The following SMC6 variants were observed in gnomAD, a reference collection of about 807,000 sequenced individuals.
SMC6 encodes the protein structural maintenance of chromosomes 6, also known as structural maintenance of chromosomes protein 6.
In SMC6, 79 loss-of-function variants were observed where a neutral mutation model predicts 142.2. The observed-to-expected ratio is 0.56, with a 90% CI of 0.46 to 0.67. The LOEUF is 0.67. Among genes scored for constraint, SMC6 ranks in the 30% least tolerant of loss-of-function variants. The pLI is 0.00. For missense variants in SMC6, 1,072 were observed against 1,284.0 expected (o/e 0.83, Z 2.52); for synonymous variants, 411 against 412.4 (o/e 1.00, Z 0.04).
chr2:17,708,001 C>T lies in SMC6; in HGVS notation c.1846-622G>A, dbSNP rs201283979. Among the ~76,000 whole-genome samples the T allele has an allele frequency of 0.016, 695 of 42,394 alleles. 8 individuals are homozygous for T. In the African/African-American group the frequency reaches 0.19, roughly 12 times the overall value. The allele number at this position is 42,394 out of a possible 152,430, so 27.8% of individuals were successfully genotyped here. A position where few individuals can be genotyped will look rare whatever the true frequency, so the allele number is the denominator to read the frequency against. The stretch of plus-strand genomic sequence containing the variant: ...ACATATGTATATGTATATATATACA[C>T]ACACACACACACACACACACACACA... On this transcript the variant is annotated intron_variant, in intron 17 of 27. Coordinates refer to ENST00000448223, the MANE Select transcript of SMC6 (RefSeq NM_001142286.2).
rs754042009 is a variant in SMC6 at position 17,717,222 on chromosome 2, T to C, written c.1093-46A>G. ...CACTTTACAAAAATGAAAACACAAATATCCCATTCACGTCCACTTTTGTCA... is the reference window on the plus strand; with the variant it reads ...CACTTTACAAAAATGAAAACACAAACATCCCATTCACGTCCACTTTTGTCA... On this transcript the variant is annotated intron_variant, in intron 12 of 27. Transcript: ENST00000448223. The C allele has an allele frequency of 6.4e-6, 9 of 1,403,478 alleles. No individual in the cohort carries two copies. The South Asian group carries it at 7.4e-5, about 12-fold the overall frequency. 86.9% of individuals were successfully genotyped at this position (1,403,478 alleles called of 1,614,324 possible). A position where few individuals can be genotyped will look rare whatever the true frequency, so the allele number is the denominator to read the frequency against.
intron 2 of SMC6, among the ~76,000 whole-genome samples, chr2:17,749,637 G>A (rs891036217): frequency 3.3e-5 from 5 of 152,180 alleles, no homozygotes; most frequent in South Asian, 2.1e-4. Context: ...GCAGTGAGCC[G>A]AGACTGTGCC....
At position 17,715,058 on chromosome 2, in the gene SMC6, G is replaced by A. The variant is rs1429264756; in HGVS notation, c.1533C>T (p.Cys511=). 1.3e-5 allele frequency: 21 copies of A among 1,612,812 alleles called. No individual in the cohort carries two copies. Among genetic ancestry groups the A allele is most frequent in the Admixed American group, 3.4e-5 (2 of 59,558 alleles). Residue 511 remains cysteine, a synonymous_variant, in exon 16 of 28, where the codon TGC becomes TGT. Transcript: ENST00000448223. ...TYKPVGPLGA[C]IHLRDPELAL... Reference sequence around the variant, plus strand: ...CAAGTTCTGGGTCCCGAAGATGAATGCAAGCTCCTAAAAGTGAGAGAAAAT... The same window carrying A: ...CAAGTTCTGGGTCCCGAAGATGAATACAAGCTCCTAAAAGTGAGAGAAAAT...
intron 18 of SMC6, among the ~76,000 whole-genome samples, chr2:17,703,594 C>T (rs986549836): frequency 2.0e-5 from 3 of 152,100 alleles, no homozygotes; most frequent in African/African-American, 7.2e-5. Flanking sequence ...TCTGCCTCTG[C>T]CGCCCCTGAG....
At position 17,753,030 on chromosome 2, in the gene SMC6, G is replaced by C. The variant is rs1671140230; in HGVS notation, c.-58C>G. Reference sequence around the variant, plus strand: ...TCTCTACCCTAGAGTCCTGTTTTCCGCAATTCCCAATTGGGATTCTTCTCC... The same window carrying C: ...TCTCTACCCTAGAGTCCTGTTTTCCCCAATTCCCAATTGGGATTCTTCTCC... On this transcript the variant is annotated 5_prime_UTR_variant, in exon 2 of 28. Coordinates refer to ENST00000448223, the MANE Select transcript of SMC6 (RefSeq NM_001142286.2). 3.0e-6 allele frequency: 3 copies of C among 984,610 alleles called. No homozygotes were observed. The highest frequency in any genetic ancestry group is 2.4e-6 in the Non-Finnish European group (2 of 829,430). 61.0% of individuals were successfully genotyped at this position (984,610 alleles called of 1,614,324 possible). A position where few individuals can be genotyped will look rare whatever the true frequency, so the allele number is the denominator to read the frequency against.
intron 7 of SMC6, among the ~76,000 whole-genome samples, chr2:17,730,603 CTT>C (rs397870131): frequency 4.7e-4 from 63 of 134,638 alleles, no homozygotes; most frequent in South Asian, 4.7e-4. Flanking sequence ...TTAATAAATT[CTT>C]TTTTTTTTTT....
At position 17,731,654 on chromosome 2, in the gene SMC6, A is replaced by G. The variant is rs1019292395; in HGVS notation, c.481+87T>C. 2.0e-5 allele frequency: 26 copies of G among 1,280,638 alleles called. No individual in the cohort carries two copies. In the African/African-American group the frequency reaches 3.8e-4, roughly 19 times the overall value. 79.3% of individuals were successfully genotyped at this position (1,280,638 alleles called of 1,614,324 possible). On this transcript the variant is annotated intron_variant, in intron 6 of 27. Transcript: ENST00000448223. The stretch of plus-strand genomic sequence containing the variant: ...CACAACCAATCATGTTACAAGGAAG[A>G]TAGTTCAATCAATACCAGCAGTCAT...
intron 25 of SMC6, among the ~76,000 whole-genome samples, chr2:17,673,280 CTT>C (rs1666850191): frequency 1.3e-5 from 2 of 152,104 alleles, no homozygotes; most frequent in African/African-American, 4.8e-5. Context: ...CTAGGTAAGT[CTT>C]TTGTTGCATG....
intron 23 of SMC6, 39 bp from the exon 24 acceptor site, chr2:17,683,802 C>T (rs1388997421): frequency 6.3e-7 from 1 of 1,578,284 alleles, no homozygotes; most frequent in African/African-American, 1.4e-5. Context: ...AAATACACCA[C>T]ACGTAAAAAA....
chr2:17,685,889 T>C (rs1480366718), intron 23 of SMC6, among the ~76,000 whole-genome samples: 1 of 151,952 alleles, frequency 6.6e-6, no homozygotes, highest in Non-Finnish European at 1.5e-5. Context: ...ACTCCATATA[T>C]ATCTATATAT....
chr2:17,673,485 T>C (rs1234415743), intron 25 of SMC6, among the ~76,000 whole-genome samples: 1 of 152,084 alleles, frequency 6.6e-6, no homozygotes, highest in African/African-American at 2.4e-5. Context: ...TTTAGGTCTA[T>C]GATCAACTTC....
chr2:17,745,957 C>T lies in SMC6; in HGVS notation c.-5-6G>A, dbSNP rs1377328626. 1.3e-6 allele frequency: 2 copies of T among 1,589,164 alleles called. No individual in the cohort carries two copies. The highest frequency in any genetic ancestry group is 3.6e-5 in the Admixed American group (2 of 55,668). On this transcript the variant is annotated splice_region_variant and splice_polypyrimidine_tract_variant and intron_variant, in intron 2 of 27. Transcript: ENST00000448223. ...CTTTCTTTTGGCCATCAGGTCTGAA[C>T]AAATATTTATAGTAACAATGAGGTA... is the stretch of plus-strand genomic sequence containing the variant.
intron 26 of SMC6, among the ~76,000 whole-genome samples, chr2:17,670,136 C>G (rs977349755): frequency 6.6e-6 from 1 of 151,994 alleles, no homozygotes; most frequent in African/African-American, 2.4e-5. Context: ...TGAAAATAAG[C>G]TGGGAGAGAG....
intron 18 of SMC6, 110 bp downstream of exon 18, chr2:17,707,109 T>C (rs1258610659): frequency 8.7e-6 from 7 of 806,092 alleles, no homozygotes; most frequent in Admixed American, 6.4e-5. Flanking sequence ...AGCACTGAGA[T>C]AGATTACTCA....
At position 17,741,804 on chromosome 2, in the gene SMC6, C is replaced by G. The variant is rs1558380249; in HGVS notation, c.121-75G>C. ...ATAACCATTCAAGCATTGTTGGCAT[C>G]AGAAAGACTAGCACCATCACCAATG... is the stretch of plus-strand genomic sequence containing the variant. On this transcript the variant is annotated intron_variant, in intron 3 of 27. Coordinates refer to ENST00000448223, the MANE Select transcript of SMC6 (RefSeq NM_001142286.2). The G allele has an allele frequency of 7.6e-6, 7 of 926,868 alleles. No homozygotes were observed. The South Asian group carries it at 1.2e-4, about 16-fold the overall frequency. 57.4% of individuals were successfully genotyped at this position (926,868 alleles called of 1,614,324 possible).
At chr2:17,696,501 C>T (rs951008897) in intron 21 of SMC6, 75 bp from the exon 22 acceptor site, 91 of 1,458,792 alleles carry the variant, frequency 6.2e-5, no homozygotes, top group Non-Finnish European at 7.9e-5. Flanking sequence ...ATAAACAACT[C>T]GGTAAAGTGG....
At chr2:17,732,278 C>T (rs915817680) in intron 5 of SMC6, among the ~76,000 whole-genome samples, 2 of 151,926 alleles carry the variant, frequency 1.3e-5, no homozygotes, top group Admixed American at 6.6e-5. Context: ...GACAGTAGGC[C>T]TTTAAAGAAT....
chr2:17,726,948 C>A (rs574086522), intron 7 of SMC6, among the ~76,000 whole-genome samples: 1 of 152,328 alleles, frequency 6.6e-6, no homozygotes, highest in Admixed American at 6.5e-5. Flanking sequence ...CACAGTCCAA[C>A]TCAGTTATTT....
At chr2:17,666,242 T>A (rs142999392) in intron 27 of SMC6, among the ~76,000 whole-genome samples, 178 bp downstream of exon 27, 6 of 152,234 alleles carry the variant, frequency 3.9e-5, no homozygotes, top group African/African-American at 1.2e-4. Context: ...GTAATACAAG[T>A]AAAATTTTAA....
Sources: gnomAD v4.1 joint callset for allele counts (sites outside exome capture counted in the v4.1 genomes callset) on GRCh38, gnomAD v4.1.1 for gene constraint, MANE v1.5 for transcripts, NCBI Gene and HGNC (gene_info 2026-07-23, HGNC 2026-07-21) for gene names.